Variants in RBM17 observed in about 807,000 individuals in gnomAD.
The protein encoded by RBM17 is RNA binding motif protein 17.
In RBM17, 7 loss-of-function variants were observed where a neutral mutation model predicts 53.2. That is an observed-to-expected ratio of 0.13 (90% CI 0.07 to 0.25). The LOEUF is 0.25. RBM17 is among the 10% of genes least tolerant of loss of function. The pLI, the probability that RBM17 is intolerant of heterozygous loss-of-function variation, is 1.00. For missense variants in RBM17, 257 were observed against 496.7 expected (o/e 0.52, Z 4.59); for synonymous variants, 167 against 178.1 (o/e 0.94, Z 0.50).
At chr10:6,091,440 G>T (rs193301307) in intron 1 of RBM17, among the ~76,000 whole-genome samples, 103 of 152,282 alleles carry the variant, frequency 6.8e-4, no homozygotes, top group Non-Finnish European at 1.2e-3. Flanking sequence ...AATATTTCTT[G>T]CTAACAAGCC....
At chr10:6,109,508 T>C (rs187032356) in intron 6 of RBM17, among the ~76,000 whole-genome samples, 1 of 152,208 alleles carries the variant, frequency 6.6e-6, no homozygotes, top group African/African-American at 2.4e-5. Context: ...TCCTACTGAC[T>C]TTCATCTAAC....
intron 8 of RBM17, 31 bp from the exon 9 acceptor site, chr10:6,113,477 G>A (rs1387722292): frequency 1.3e-6 from 2 of 1,490,386 alleles, no homozygotes; most frequent in Non-Finnish European, 1.9e-6. Flanking sequence ...GCTCAGTTCT[G>A]TAACACATCT....
chr10:6,116,134 C>G lies in RBM17; in HGVS notation c.*578C>G, dbSNP rs1840912632. ...TGAAGAATTGTGAACATACCATGGCCTATTGGATGAATCATTTGCCGTAGG... is the reference window on the plus strand; with the variant it reads ...TGAAGAATTGTGAACATACCATGGCGTATTGGATGAATCATTTGCCGTAGG... On this transcript the variant is annotated 3_prime_UTR_variant, in exon 12 of 12. Coordinates refer to ENST00000379888, the MANE Select transcript of RBM17 (RefSeq NM_032905.5). The G allele has an allele frequency of 1.3e-5, 2 of 152,306 alleles. No homozygotes were observed. 9.4% of individuals were successfully genotyped at this position (152,306 alleles called of 1,614,324 possible).
rs1024928068 is a variant in RBM17, at chr10:6,101,262, T to C, written c.124-9T>C. On this transcript the variant is annotated splice_polypyrimidine_tract_variant and intron_variant, in intron 2 of 11. Transcript: ENST00000379888. ...TTCAGTATGTTTTCCTTGTTTTTGA[T>C]GATTTTAGAGCCAAAGGACGAAACA... 1 of 1,553,228 alleles carries C rather than the reference T, an allele frequency of 6.4e-7. No individual in the cohort carries two copies. Among genetic ancestry groups the C allele is most frequent in the Non-Finnish European group, 8.7e-7 (1 of 1,145,426 alleles).
At chr10:6,090,362 G>C (rs1355038799) in intron 1 of RBM17, among the ~76,000 whole-genome samples, 1 of 152,158 alleles carries the variant, frequency 6.6e-6, no homozygotes, top group Admixed American at 6.5e-5. Context: ...CATTTTGATC[G>C]TAATGACAGC....
At position 6,109,990 on chromosome 10, in the gene RBM17, C is replaced by T. The variant is rs144970605; in HGVS notation, c.567C>T (p.Pro189=). 1.6e-5 allele frequency: 25 copies of T among 1,602,034 alleles called. No homozygotes were observed. The highest frequency in any genetic ancestry group is 9.4e-5 in the African/African-American group (7 of 74,504). ...TSLVEKDKEL[P]RDFPYEEDSR... ...TACTTTATTTTTCTCCAATAGTACC[C>T]CGAGATTTTCCTTATGAAGAGGACT... Residue 189 remains proline (P), a synonymous_variant, in exon 7 of 12, where the codon CCC becomes CCT. Transcript: ENST00000379888.
At chr10:6,099,152 G>A (rs78384579) in intron 2 of RBM17, among the ~76,000 whole-genome samples, 1 of 148,188 alleles carries the variant, frequency 6.7e-6, no homozygotes, top group Non-Finnish European at 1.5e-5. Context: ...TGCTTTGCAG[G>A]GAAGATGCAG....
intron 10 of RBM17, 31 bp from the exon 11 acceptor site, chr10:6,115,208 C>G (rs372510768): frequency 6.3e-7 from 1 of 1,576,736 alleles, no homozygotes; most frequent in Admixed American, 1.8e-5. Flanking sequence ...TCTCAAATGC[C>G]TTTACTCATC....
At chr10:6,106,021 C>A in intron 4 of RBM17, 120 bp from the exon 5 acceptor site, 1 of 663,404 alleles carries the variant, frequency 1.5e-6, no homozygotes, top group Non-Finnish European at 2.7e-6. Context: ...TCTACCCCTG[C>A]AACTTCATAG....
rs1404300835 is a variant in RBM17 at position 6,115,681 on chromosome 10, G to T, written c.*125G>T. The stretch of plus-strand genomic sequence containing the variant: ...CCAAGACTCTTGGAAGGACTTCTAA[G>T]ATATATGTTGATTGATCCCTTTTTT... On this transcript the variant is annotated 3_prime_UTR_variant, in exon 12 of 12. Coordinates refer to ENST00000379888, the MANE Select transcript of RBM17 (RefSeq NM_032905.5). 1 of 595,842 alleles carries T rather than the reference G, an allele frequency of 1.7e-6. No individual in the cohort carries two copies. The highest frequency in any genetic ancestry group is 3.0e-6 in the Non-Finnish European group (1 of 335,916). 36.9% of individuals were successfully genotyped at this position (595,842 alleles called of 1,614,324 possible).
At chr10:6,101,505 A>T (rs1053571510) in intron 3 of RBM17, 118 bp downstream of exon 3, 1 of 467,570 alleles carries the variant, frequency 2.1e-6, no homozygotes, top group Non-Finnish European at 3.8e-6. Context: ...CCAAGTTAGT[A>T]TCATTTTCCA....
intron 3 of RBM17, among the ~76,000 whole-genome samples, chr10:6,103,446 AGTTT>A (rs2132946415): frequency 1.3e-5 from 2 of 152,286 alleles, no homozygotes; most frequent in Admixed American, 1.3e-4. Flanking sequence ...TCATATTGAC[AGTTT>A]GTTCTCTTAG....
At chr10:6,108,779 C>A in intron 6 of RBM17, 37 bp downstream of exon 6, 1 of 1,540,510 alleles carries the variant, frequency 6.5e-7, no homozygotes, top group Non-Finnish European at 9.0e-7. Context: ...TATTCTGATA[C>A]AGGTCTTTAA....
chr10:6,107,905 ATAT>A (rs1840777988), intron 5 of RBM17, among the ~76,000 whole-genome samples: 1 of 152,326 alleles, frequency 6.6e-6, no homozygotes, highest in Admixed American at 6.5e-5. Context: ...GTATTATGTA[ATAT>A]TATGTATACG....
intron 2 of RBM17, among the ~76,000 whole-genome samples, chr10:6,099,335 G>C (rs1840635363): frequency 6.6e-6 from 1 of 151,490 alleles, no homozygotes; most frequent in Admixed American, 6.6e-5. Flanking sequence ...TAGTTACTCA[G>C]AATACTAGAT....
At chr10:6,093,849 T>A (rs182173586) in intron 1 of RBM17, among the ~76,000 whole-genome samples, 2 of 152,236 alleles carry the variant, frequency 1.3e-5, no homozygotes. Context: ...ATGCTTCATA[T>A]ATACTTTCTA....
At chr10:6,113,604 C>T (rs775084001) in intron 9 of RBM17, 23 bp downstream of exon 9, 2 of 1,508,348 alleles carry the variant, frequency 1.3e-6, no homozygotes, top group Admixed American at 3.4e-5. Flanking sequence ...GGAAAGCAAG[C>T]TCTCTGCCTG....
At chr10:6,105,501 G>A (rs1195183875) in intron 4 of RBM17, among the ~76,000 whole-genome samples, 1 of 152,174 alleles carries the variant, frequency 6.6e-6, no homozygotes, top group African/African-American at 2.4e-5. Flanking sequence ...TAGGGATGCT[G>A]AACTGGTAAT....
Position 6,090,248 on chromosome 10 carries a change from A to G in RBM17, c.-19+1055A>G, listed in dbSNP as rs181329233. Among the ~76,000 whole-genome samples the G allele has an allele frequency of 5.9e-5, 9 of 152,342 alleles. No homozygotes were observed. In the East Asian group the frequency reaches 1.7e-3, roughly 29 times the overall value. On this transcript the variant is annotated intron_variant, in intron 1 of 11. Coordinates refer to ENST00000379888, the MANE Select transcript of RBM17 (RefSeq NM_032905.5). Reference sequence around the variant, plus strand: ...TTCTAGATAAGGGCAAGATTCGCATATACTCAAATAGATGGGTAGATGTGC... The same window carrying G: ...TTCTAGATAAGGGCAAGATTCGCATGTACTCAAATAGATGGGTAGATGTGC...
Sources: gnomAD v4.1 joint callset for allele counts (sites outside exome capture counted in the v4.1 genomes callset) on GRCh38, gnomAD v4.1.1 for gene constraint, MANE v1.5 for transcripts, NCBI Gene and HGNC (gene_info 2026-07-23, HGNC 2026-07-21) for gene names.